ANKIB1: variants seen among roughly 807,000 people sequenced by gnomAD.
ANKIB1 encodes ankyrin repeat and IBR domain-containing protein 1.
In ANKIB1, 43 loss-of-function variants were observed where a neutral mutation model predicts 122.1. That is an observed-to-expected ratio of 0.35 (90% CI 0.28 to 0.45). The LOEUF is 0.45. Ranked by LOEUF, ANKIB1 falls within the 20% of genes least tolerant of loss-of-function variation. The pLI is 1.00. For synonymous variants in ANKIB1, 390 were observed against 442.0 expected, an observed-to-expected ratio of 0.88 and a Z score of 1.48; for missense variants, 992 against 1,329.5, an observed-to-expected ratio of 0.75 and a Z score of 3.95.
intron 11 of ANKIB1, among the ~76,000 whole-genome samples, chr7:92,383,976 A>G (rs1361223822): frequency 1.3e-5 from 2 of 152,210 alleles, no homozygotes; most frequent in South Asian, 2.1e-4. Context: ...ACATGATTGT[A>G]TATTTAGAAA....
At chr7:92,397,056 C>G (rs183120147) in intron 18 of ANKIB1, among the ~76,000 whole-genome samples, 54 of 152,198 alleles carry the variant, frequency 3.5e-4, no homozygotes, top group African/African-American at 1.3e-3. Flanking sequence ...GCTCTTCAGA[C>G]TATTGTAATT....
intron 5 of ANKIB1, among the ~76,000 whole-genome samples, chr7:92,339,644 A>G (rs1026475434): frequency 6.6e-6 from 1 of 152,224 alleles, no homozygotes; most frequent in Non-Finnish European, 1.5e-5. Flanking sequence ...ATATAGGTAC[A>G]AGCTCTGCCC....
intron 12 of ANKIB1, among the ~76,000 whole-genome samples, chr7:92,387,105 C>G (rs369360912): frequency 6.6e-6 from 1 of 152,040 alleles, no homozygotes; most frequent in Admixed American, 6.6e-5. Flanking sequence ...AGACAGCCAC[C>G]CTCTCACTAT....
At chr7:92,338,464 GT>G (rs1253078106) in intron 5 of ANKIB1, among the ~76,000 whole-genome samples, 35 of 150,936 alleles carry the variant, frequency 2.3e-4, no homozygotes, top group African/African-American at 7.9e-4. Flanking sequence ...TAATATATAT[GT>G]TTTATTAAAT....
intron 9 of ANKIB1, among the ~76,000 whole-genome samples, chr7:92,355,038 C>T (rs1016366727): frequency 1.3e-5 from 2 of 152,194 alleles, no homozygotes; most frequent in African/African-American, 4.8e-5. Flanking sequence ...TAAATATATT[C>T]GTTGTTGGGA....
At chr7:92,342,943 T>A (rs1803467246) in intron 5 of ANKIB1, 81 bp from the exon 6 acceptor site, 1 of 1,309,324 alleles carries the variant, frequency 7.6e-7, no homozygotes, top group Non-Finnish European at 1.1e-6. Context: ...TTTGTAATTC[T>A]CATATTTTTG....
At chr7:92,274,763 A>G (rs1801866299) in intron 1 of ANKIB1, among the ~76,000 whole-genome samples, 1 of 152,096 alleles carries the variant, frequency 6.6e-6, no homozygotes, top group South Asian at 2.1e-4. Flanking sequence ...CTTGGGCAAC[A>G]TGCCCAGCCT....
chr7:92,330,508 T>A (rs749382525), intron 5 of ANKIB1, among the ~76,000 whole-genome samples: 48 of 152,178 alleles, frequency 3.2e-4, no homozygotes, highest in South Asian at 6.2e-4. Flanking sequence ...TAGACCTGAG[T>A]AAAAAAATTA....
At chr7:92,298,768 TAAAAAAAAAA>T (rs34091044) in intron 2 of ANKIB1, among the ~76,000 whole-genome samples, 1 of 117,626 alleles carries the variant, frequency 8.5e-6, no homozygotes, top group African/African-American at 3.2e-5. Flanking sequence ...CACTTGCAGT[TAAAAAAAAAA>T]AAAAAAAAAA....
chr7:92,350,907 T>C, intron 7 of ANKIB1, 43 bp from the exon 8 acceptor site: 1 of 1,543,464 alleles, frequency 6.5e-7, no homozygotes, highest in Non-Finnish European at 8.7e-7. Context: ...ATGCACAACT[T>C]AATATCCTTG....
At chr7:92,256,104 A>G (rs995783082) in intron 1 of ANKIB1, among the ~76,000 whole-genome samples, 1 of 152,206 alleles carries the variant, frequency 6.6e-6, no homozygotes, top group Non-Finnish European at 1.5e-5. Context: ...AGAGAAAACA[A>G]CTTTTAAGCT....
rs1035590687 is a variant in ANKIB1 at position 92,286,480 on chromosome 7, T to A, written c.-90-8409T>A. On this transcript the variant is annotated intron_variant, in intron 1 of 19. Transcript: ENST00000265742. ...TTGTGAATTTAGGATATTATCCGTATTTTTTTTTTTTTTTTTGAGACGGAG... is the reference window on the plus strand; with the variant it reads ...TTGTGAATTTAGGATATTATCCGTAATTTTTTTTTTTTTTTTGAGACGGAG... Among the ~76,000 whole-genome samples, 6 of 66,894 alleles carry A rather than the reference T, an allele frequency of 9.0e-5. No individual in the cohort carries two copies. The East Asian group carries it at 1.9e-3, about 21-fold the overall frequency. The allele number at this position is 66,894 out of a possible 152,430, so 43.9% of individuals were successfully genotyped here.
intron 15 of ANKIB1, among the ~76,000 whole-genome samples, chr7:92,390,890 T>C (rs901923029): frequency 6.6e-6 from 1 of 152,212 alleles, no homozygotes; most frequent in Non-Finnish European, 1.5e-5. Flanking sequence ...TACTCACTAC[T>C]TCTTTGTAAT....
chr7:92,369,505 A>C (rs1804183756), intron 10 of ANKIB1, among the ~76,000 whole-genome samples: 1 of 152,064 alleles, frequency 6.6e-6, no homozygotes, highest in Non-Finnish European at 1.5e-5. Flanking sequence ...CAATCCATAC[A>C]CAGAGCCACT....
chr7:92,385,849 G>T (rs1804629618), intron 11 of ANKIB1, among the ~76,000 whole-genome samples: 3 of 152,086 alleles, frequency 2.0e-5, no homozygotes, highest in Admixed American at 1.3e-4. Context: ...CCTGCACCTT[G>T]TGCACATGTA....
intron 1 of ANKIB1, among the ~76,000 whole-genome samples, chr7:92,280,241 A>G (rs1047151450): frequency 2.6e-5 from 4 of 152,258 alleles, no homozygotes; most frequent in Admixed American, 6.5e-5. Context: ...TCCAGATGCA[A>G]TGCCCACAAA....
At chr7:92,272,385 A>G (rs1048275384) in intron 1 of ANKIB1, among the ~76,000 whole-genome samples, 12 of 152,330 alleles carry the variant, frequency 7.9e-5, no homozygotes, top group Admixed American at 6.5e-5. Flanking sequence ...TTACTTCAAA[A>G]TTGTCAGCAA....
chr7:92,362,188 G>A lies in ANKIB1; in HGVS notation c.1401G>A (p.Glu467=). 1 of 1,594,232 alleles carries A rather than the reference G, an allele frequency of 6.3e-7. No homozygotes were observed. Among genetic ancestry groups the A allele is most frequent in the Non-Finnish European group, 8.5e-7 (1 of 1,169,822 alleles). Residue 467 remains glutamate (E), a synonymous_variant, in exon 10 of 20, where the codon GAG becomes GAA. Coordinates refer to ENST00000265742, the MANE Select transcript of ANKIB1 (RefSeq NM_019004.2). ...DCGKGHLFCW[E]CLGEAHEPCD... ...TTTCTGTGTTTATTTTCTTTAGGGAGTGCCTTGGTGAAGCACATGAGCCTT... is the reference window on the plus strand; with the variant it reads ...TTTCTGTGTTTATTTTCTTTAGGGAATGCCTTGGTGAAGCACATGAGCCTT...
chr7:92,251,551 G>A (rs1358111090), intron 1 of ANKIB1, among the ~76,000 whole-genome samples: 1 of 152,090 alleles, frequency 6.6e-6, no homozygotes, highest in Non-Finnish European at 1.5e-5. Flanking sequence ...ACAGTACAAA[G>A]AACTCTTACA....
Sources: allele counts gnomAD v4.1 joint callset (sites outside exome capture counted in the v4.1 genomes callset), GRCh38; gene constraint gnomAD v4.1.1; transcripts MANE v1.5; gene names NCBI Gene and HGNC (gene_info 2026-07-23, HGNC 2026-07-21).